The following AGBL3 variants were observed in gnomAD, a reference collection of about 807,000 sequenced individuals.
AGBL3 encodes the protein AGBL carboxypeptidase 3.
A neutral mutation model predicts 94.5 loss-of-function variants in AGBL3; 68 were observed. That is an observed-to-expected ratio of 0.72 (90% CI 0.59 to 0.88). AGBL3 has a LOEUF of 0.88. AGBL3 is among the 40% of genes least tolerant of loss of function. The probability of loss-of-function intolerance (pLI) is 0.00; values close to 1 mark genes in which losing one functional copy is unlikely to be tolerated. For synonymous variants in AGBL3, 354 were observed against 370.7 expected, an observed-to-expected ratio of 0.95 and a Z score of 0.52; for missense variants, 934 against 1,103.8, an observed-to-expected ratio of 0.85 and a Z score of 2.18.
At chr7:135,048,770 G>A (rs1210365384) in intron 11 of AGBL3, among the ~76,000 whole-genome samples, 1 of 149,258 alleles carries the variant, frequency 6.7e-6, no homozygotes, top group African/African-American at 2.5e-5. Flanking sequence ...TTTTTTAATG[G>A]AGTCCATAGG....
intron 6 of AGBL3, 45 bp from the exon 7 acceptor site, chr7:135,034,104 T>C: frequency 4.5e-6 from 6 of 1,324,770 alleles, no homozygotes; most frequent in Non-Finnish European, 5.9e-6. Context: ...AAATGTCATT[T>C]TTACATTCTT....
intron 5 of AGBL3, among the ~76,000 whole-genome samples, chr7:135,019,550 C>A (rs1331445822): frequency 2.0e-5 from 3 of 152,000 alleles, no homozygotes; most frequent in African/African-American, 7.2e-5. Context: ...TTTTTTCCCA[C>A]CTTTTAACAA....
At chr7:135,131,303 G>A (rs912093706) in intron 16 of AGBL3, among the ~76,000 whole-genome samples, 5 of 152,022 alleles carry the variant, frequency 3.3e-5, no homozygotes, top group African/African-American at 1.2e-4. Context: ...TCACACACCA[G>A]GGCCTGTTGC....
intron 15 of AGBL3, among the ~76,000 whole-genome samples, chr7:135,082,649 A>G (rs979806742): frequency 6.6e-6 from 1 of 152,100 alleles, no homozygotes; most frequent in African/African-American, 2.4e-5. Context: ...TTTTATTTTC[A>G]TAGTGCTACC....
At chr7:135,098,741 G>A (rs544540063) in intron 15 of AGBL3, among the ~76,000 whole-genome samples, 2 of 152,254 alleles carry the variant, frequency 1.3e-5, no homozygotes, top group East Asian at 3.9e-4. Context: ...GTTCAGAGAA[G>A]TATTATTGGA....
At chr7:135,007,029 T>C (rs1812474232) in intron 4 of AGBL3, among the ~76,000 whole-genome samples, 1 of 151,916 alleles carries the variant, frequency 6.6e-6, no homozygotes, top group African/African-American at 2.4e-5. Flanking sequence ...AGAGATTTAA[T>C]TAATAATAGA....
At chr7:135,108,030 C>G (rs954429345) in intron 15 of AGBL3, among the ~76,000 whole-genome samples, 3 of 151,946 alleles carry the variant, frequency 2.0e-5, no homozygotes, top group Non-Finnish European at 4.4e-5. Flanking sequence ...ATTAGGATTG[C>G]AACCCCTGCT....
intron 12 of AGBL3, among the ~76,000 whole-genome samples, chr7:135,074,153 A>T (rs940898244): frequency 6.6e-6 from 1 of 152,192 alleles, no homozygotes. Context: ...TAATTTCAAA[A>T]TGTATACTTA....
intron 15 of AGBL3, among the ~76,000 whole-genome samples, chr7:135,108,156 G>GT (rs1332692030): frequency 1.3e-5 from 2 of 152,010 alleles, no homozygotes; most frequent in African/African-American, 2.4e-5. Flanking sequence ...AGATTTTGCT[G>GT]TTTTTTTCCA....
At chr7:135,095,459 G>A (rs1729925535) in intron 15 of AGBL3, among the ~76,000 whole-genome samples, 1 of 152,184 alleles carries the variant, frequency 6.6e-6, no homozygotes, top group African/African-American at 2.4e-5. Context: ...TTTGATACTA[G>A]TGGCTACAGC....
intron 15 of AGBL3, among the ~76,000 whole-genome samples, chr7:135,104,376 G>A (rs1042796279): frequency 1.1e-4 from 17 of 152,200 alleles, no homozygotes; most frequent in African/African-American, 2.2e-4. Context: ...AATGAATAGC[G>A]TTGCAGTGAA....
At chr7:134,998,826 A>G (rs889483757) in intron 4 of AGBL3, among the ~76,000 whole-genome samples, 2 of 152,136 alleles carry the variant, frequency 1.3e-5, no homozygotes, top group African/African-American at 4.8e-5. Flanking sequence ...CCACTGCCCC[A>G]GGCTGGAAAA....
intron 10 of AGBL3, 34 bp downstream of exon 10, chr7:135,045,608 C>T (rs1584932713): frequency 6.6e-7 from 1 of 1,510,452 alleles, no homozygotes; most frequent in Non-Finnish European, 9.0e-7. Context: ...GCATCAGACT[C>T]CAGCCTATCA....
chr7:135,038,997 TAGTTGG>T lies in AGBL3; in HGVS notation c.1500+1420_1500+1425del, dbSNP rs1816580075. ...AACTTTTTGTGAAAATCCACAATTA[TAGTTGG>T]AGATTTTAAATACCTCTTACATTAA... is the stretch of plus-strand genomic sequence containing the variant. On this transcript the variant is annotated intron_variant, in intron 8 of 16. Coordinates refer to ENST00000436302, the MANE Select transcript of AGBL3 (RefSeq NM_178563.4). Among the ~76,000 whole-genome samples, 19 of 152,150 alleles carry T rather than the reference TAGTTGG, an allele frequency of 1.2e-4. No homozygotes were observed. The East Asian group carries it at 3.7e-3, about 29-fold the overall frequency.
chr7:135,062,677 A>G (rs956966268), intron 12 of AGBL3, among the ~76,000 whole-genome samples: 2 of 152,090 alleles, frequency 1.3e-5, no homozygotes, highest in Non-Finnish European at 2.9e-5. Flanking sequence ...ATCAATTTGC[A>G]TATGTTGAAC....
intron 4 of AGBL3, chr7:135,011,412 T>G (rs928064703): frequency 1.3e-5 from 2 of 152,140 alleles, no homozygotes; most frequent in Non-Finnish European, 2.9e-5. Flanking sequence ...AAAAGACTGA[T>G]AAATTTGACT....
chr7:135,115,715 A>C, intron 16 of AGBL3, 104 bp downstream of exon 16: 1 of 930,852 alleles, frequency 1.1e-6, no homozygotes, highest in Non-Finnish European at 1.6e-6. Context: ...CTGCTCTTGA[A>C]AATGATGTCA....
chr7:135,022,758 T>C (rs779375962), intron 5 of AGBL3, among the ~76,000 whole-genome samples: 9 of 152,290 alleles, frequency 5.9e-5, no homozygotes, highest in Non-Finnish European at 1.3e-4. Flanking sequence ...TTAATGGTAT[T>C]GCCTAGGTTT....
intron 5 of AGBL3, among the ~76,000 whole-genome samples, chr7:135,025,878 T>G (rs1815033579): frequency 6.7e-6 from 1 of 149,270 alleles, no homozygotes; most frequent in African/African-American, 2.4e-5. Flanking sequence ...ACAAGAAGTC[T>G]TAACTATCCT....
Sources: allele counts gnomAD v4.1 joint callset (sites outside exome capture counted in the v4.1 genomes callset), GRCh38; gene constraint gnomAD v4.1.1; transcripts MANE v1.5; gene names NCBI Gene and HGNC (gene_info 2026-07-23, HGNC 2026-07-21).